TET3: variants seen among roughly 807,000 people sequenced by gnomAD.
The protein encoded by TET3 is tet methylcytosine dioxygenase 3.
In TET3, 19 loss-of-function variants were observed where a neutral mutation model predicts 141.4. The ratio of observed to expected loss-of-function variants is 0.13; its 90% CI spans 0.09 to 0.20. The LOEUF is 0.20. Ranked by LOEUF, TET3 falls within the 10% of genes least tolerant of loss-of-function variation. The pLI is 1.00. For missense variants in TET3, 1,874 were observed against 2,356.9 expected, an observed-to-expected ratio of 0.80 and a Z score of 4.24; for synonymous variants, 1,043 against 980.9, an observed-to-expected ratio of 1.06 and a Z score of -1.18.
Position 74,087,353 on chromosome 2 carries a change from A to G in TET3, c.2680-477A>G, listed in dbSNP as rs748559025. ...TTCCTAGGCATGGAATTGCTGGATC[A>G]TATGGTAATCCTATGTTTAGCTTTT... is the stretch of plus-strand genomic sequence containing the variant. On this transcript the variant is annotated intron_variant, in intron 6 of 11. Coordinates refer to ENST00000409262, the MANE Select transcript of TET3 (RefSeq NM_001287491.2). This position sits in a 1 kb window ranked among gnomAD's most constrained non-coding sequence, Gnocchi z 4.3. Among the ~76,000 whole-genome samples the G allele has an allele frequency of 6.6e-6, 1 of 152,150 alleles. No individual in the cohort carries two copies. The highest frequency in any genetic ancestry group is 1.5e-5 in the Non-Finnish European group (1 of 68,022).
At chr2:74,059,694 A>G (rs1028367113) in intron 4 of TET3, among the ~76,000 whole-genome samples, 2 of 152,178 alleles carry the variant, frequency 1.3e-5, no homozygotes, top group Admixed American at 6.5e-5. Context: ...CTACAGGCAC[A>G]TGCCACTGTG....
At chr2:74,001,386 T>C (rs908067157) in intron 2 of TET3, among the ~76,000 whole-genome samples, 3 of 152,228 alleles carry the variant, frequency 2.0e-5, no homozygotes, top group Non-Finnish European at 4.4e-5. Context: ...CTTATTCATC[T>C]GTGAGAATGA....
At chr2:74,069,483 A>G (rs906367042) in intron 4 of TET3, among the ~76,000 whole-genome samples, 9 of 151,732 alleles carry the variant, frequency 5.9e-5, no homozygotes, top group African/African-American at 2.2e-4. Context: ...AAACATTCAC[A>G]TAGAGTTTAA....
intron 4 of TET3, among the ~76,000 whole-genome samples, chr2:74,065,503 C>T (rs951868704): frequency 6.6e-6 from 1 of 151,644 alleles, no homozygotes; most frequent in African/African-American, 2.4e-5. Context: ...CCTTTTCCTG[C>T]CTCAGACCTT....
rs757391873 is a variant in TET3, at chr2:74,092,886, GC to G, written c.3040-12del. On this transcript the variant is annotated splice_polypyrimidine_tract_variant and intron_variant, in intron 8 of 11. Coordinates refer to ENST00000409262, the MANE Select transcript of TET3 (RefSeq NM_001287491.2). ...GCGGGGCTGCTCTGGATGTGTGACT[GC>G]CCCTCTCTCTGCAGGAAGAAGTGCT... 1.4e-4 allele frequency: 221 copies of G among 1,573,856 alleles called. No individual in the cohort carries two copies. Among genetic ancestry groups the G allele is most frequent in the Non-Finnish European group, 1.8e-4 (211 of 1,159,478 alleles).
At chr2:74,012,694 G>T (rs1398327568) in intron 3 of TET3, among the ~76,000 whole-genome samples, 1 of 152,194 alleles carries the variant, frequency 6.6e-6, no homozygotes, top group Non-Finnish European at 1.5e-5. Flanking sequence ...AATATGTATT[G>T]AGTAGAGGAC....
chr2:74,024,961 C>T (rs1179819797), intron 3 of TET3, among the ~76,000 whole-genome samples: 6 of 152,000 alleles, frequency 3.9e-5, no homozygotes, highest in Non-Finnish European at 8.8e-5. Context: ...TGGTGGCTCA[C>T]GCCTGTAATC....
intron 5 of TET3, among the ~76,000 whole-genome samples, chr2:74,076,465 T>TC (rs1689515734): frequency 6.8e-6 from 1 of 147,758 alleles, no homozygotes; most frequent in Admixed American, 6.8e-5. Context: ...TTTTTTTTTT[T>TC]TTTTTGTCTA....
At position 74,058,587 on chromosome 2, in the gene TET3, A is replaced by T. The variant is rs1179182651; in HGVS notation, c.2494+10176A>T. Among the ~76,000 whole-genome samples the T allele has an allele frequency of 3.0e-4, 45 of 152,124 alleles. 1 individual carries two copies. The stretch of plus-strand genomic sequence containing the variant: ...GTAGACAAATTTTTTTTAATTTTTA[A>T]ATTTTTTTCTTTTTTAAAAGCACTT... On this transcript the variant is annotated intron_variant, in intron 4 of 11. Coordinates refer to ENST00000409262, the MANE Select transcript of TET3 (RefSeq NM_001287491.2).
the TET3 span, chr2:74,122,557 A>G: frequency 8.4e-6 from 1 of 118,518 alleles, no homozygotes; most frequent in South Asian, 2.9e-4. Context: ...TCTGTTACCC[A>G]GGCTGGAGTG....
At chr2:74,033,614 A>G (rs1275726168) in intron 3 of TET3, among the ~76,000 whole-genome samples, 1 of 152,260 alleles carries the variant, frequency 6.6e-6, no homozygotes, top group Non-Finnish European at 1.5e-5. Context: ...ATGGCAGTAC[A>G]GCTGGTCACG....
In TET3 at chr2:74,100,837, A is replaced by G; in HGVS notation, c.4049A>G (p.His1350Arg). 1 of 1,611,830 alleles carries G rather than the reference A, an allele frequency of 6.2e-7. No homozygotes were observed. The highest frequency in any genetic ancestry group is 8.5e-7 in the Non-Finnish European group (1 of 1,179,226). ...AGCCAGGCTGTTCCCACAGACGCCC[A>G]CCACCCCACTCCTCACCACCAGCAG... is the stretch of plus-strand genomic sequence containing the variant. The part of the protein sequence containing the change: ...LPSQAVPTDA[H>R]HPTPHHQQPA... Residue 1350 changes from histidine to arginine, a missense_variant, in exon 12 of 12, where the codon CAC becomes CGC. By Grantham distance (29) the His-to-Arg change is conservative. Around this residue, in one of 10 missense-constraint regions of TET3, gnomAD observed 602 missense variants for 590.2 expected, o/e 1.02. Transcript: ENST00000409262.
At chr2:74,112,394 C>A (rs186172429), downstream of TET3, among the ~76,000 whole-genome samples, 50 of 152,018 alleles carry the variant, frequency 3.3e-4, no homozygotes, top group Middle Eastern at 3.4e-3. Flanking sequence ...GAAACTAACT[C>A]CTTTTGAAAT....
chr2:74,031,593 T>C (rs1468571555), intron 3 of TET3, among the ~76,000 whole-genome samples: 1 of 152,112 alleles, frequency 6.6e-6, no homozygotes, highest in African/African-American at 2.4e-5. Context: ...GAGGATTAAT[T>C]TGTGCTCCCC....
Position 74,102,209 on chromosome 2 carries a change from C to T in TET3, c.*33C>T, listed in dbSNP as rs750539813. On this transcript the variant is annotated 3_prime_UTR_variant, in exon 12 of 12. Transcript: ENST00000409262. ...GGAGCCAGCGTACCTCAGCGTCGGG[C>T]CTGGCCCGAGCTGTCTCTGTGGTGC... 74 of 1,420,764 alleles carry T rather than the reference C, an allele frequency of 5.2e-5. No individual in the cohort carries two copies. The South Asian group carries it at 1.1e-3, about 21-fold the overall frequency. 88.0% of individuals were successfully genotyped at this position (1,420,764 alleles called of 1,614,324 possible).
chr2:74,090,430 G>T (rs570453086), intron 8 of TET3, among the ~76,000 whole-genome samples: 53 of 152,126 alleles, frequency 3.5e-4, no homozygotes, highest in Admixed American at 3.5e-3. Flanking sequence ...GCGGTCTCCC[G>T]CATGTGGGCC....
intron 3 of TET3, among the ~76,000 whole-genome samples, chr2:74,006,645 T>A (rs982641901): frequency 6.6e-6 from 1 of 152,182 alleles, no homozygotes; most frequent in African/African-American, 2.4e-5. Context: ...TCCCCTCCCA[T>A]ACCCCGGAGG....
In TET3 at chr2:74,091,937, C is replaced by G. The variant is rs117816216; in HGVS notation, c.3040-965C>G. 9.8e-4 allele frequency among the ~76,000 whole-genome samples: 150 copies of G among 152,330 alleles called. 2 individuals are homozygous for G. In the East Asian group the frequency reaches 0.026, roughly 27 times the overall value. On this transcript the variant is annotated intron_variant, in intron 8 of 11. Coordinates refer to ENST00000409262, the MANE Select transcript of TET3 (RefSeq NM_001287491.2). ...GTGGAAACATTCTCTGCTGTCCATA[C>G]AGGAGCCACGTGTAGCTGCTGAGTA...
intron 4 of TET3, among the ~76,000 whole-genome samples, chr2:74,063,893 C>CAA (rs70965781): frequency 0.04 from 4,293 of 106,204 alleles, 272 homozygotes; most frequent in African/African-American, 0.12. Context: ...TCTCTGCAGA[C>CAA]AAAAAAAAAA....
Sources: gnomAD v4.1 joint callset for allele counts (sites outside exome capture counted in the v4.1 genomes callset) on GRCh38, gnomAD v4.1.1 for gene constraint, gnomAD v4.1.1 regional missense constraint, Gnocchi (gnomAD v3.1) non-coding constraint, MANE v1.5 for transcripts, NCBI Gene and HGNC (gene_info 2026-07-23, HGNC 2026-07-21) for gene names.